CEP89: variants seen among roughly 807,000 people sequenced by gnomAD.
The protein encoded by CEP89 is centrosomal protein 89.
In CEP89, 95 loss-of-function variants were observed where a neutral mutation model predicts 97.6. That is an observed-to-expected ratio of 0.97 (90% CI 0.82 to 1.15). The LOEUF is 1.15. Among genes scored for constraint, CEP89 ranks in the 50% most tolerant of loss-of-function variants. The probability of loss-of-function intolerance (pLI) is 0.00; values close to 1 mark genes in which losing one functional copy is unlikely to be tolerated. For synonymous variants in CEP89, 354 were observed against 349.1 expected (o/e 1.01, Z -0.16); for missense variants, 869 against 947.7 (o/e 0.92, Z 1.09).
intron 16 of CEP89, among the ~76,000 whole-genome samples, chr19:32,890,921 T>G (rs767559818): frequency 6.6e-6 from 1 of 152,120 alleles, no homozygotes; most frequent in Non-Finnish European, 1.5e-5. Context: ...CAGCAGCCCC[T>G]GCATCTCCAC....
intron 14 of CEP89, among the ~76,000 whole-genome samples, chr19:32,914,469 G>A (rs548878537): frequency 9.2e-5 from 14 of 151,362 alleles, no homozygotes; most frequent in African/African-American, 2.4e-4. Context: ...ATGCAGTTTC[G>A]CCATGTTGCC....
intron 9 of CEP89, 121 bp downstream of exon 9, chr19:32,931,308 C>CT: frequency 1.1e-6 from 1 of 898,228 alleles, no homozygotes; most frequent in Non-Finnish European, 1.6e-6. Flanking sequence ...AACATTGTGC[C>CT]TTGGACAGAG....
intron 1 of CEP89, among the ~76,000 whole-genome samples, chr19:32,968,240 G>T (rs531579438): frequency 1.3e-5 from 2 of 152,100 alleles, no homozygotes; most frequent in African/African-American, 2.4e-5. Flanking sequence ...TACACGACAA[G>T]AAATGGTTTT....
At chr19:32,947,948 G>C (rs1374240757) in intron 5 of CEP89, among the ~76,000 whole-genome samples, 1 of 152,162 alleles carries the variant, frequency 6.6e-6, no homozygotes, top group Non-Finnish European at 1.5e-5. Context: ...CTGTAGGCGT[G>C]CACCACCTTG....
intron 17 of CEP89, among the ~76,000 whole-genome samples, chr19:32,884,497 TA>T (rs1251769614): frequency 6.6e-6 from 1 of 152,232 alleles, no homozygotes; most frequent in Non-Finnish European, 1.5e-5. Context: ...TTTATGTACA[TA>T]TTTTTAAAAG....
At chr19:32,918,377 G>C in intron 12 of CEP89, 38 bp from the exon 13 acceptor site, 3 of 1,428,374 alleles carry the variant, frequency 2.1e-6, no homozygotes, top group Non-Finnish European at 3.0e-6. Flanking sequence ...TGTGATTCAG[G>C]TGCTGAATGG....
At chr19:32,967,562 A>G (rs568562212) in intron 1 of CEP89, among the ~76,000 whole-genome samples, 7 of 148,218 alleles carry the variant, frequency 4.7e-5, no homozygotes, top group Admixed American at 1.3e-4. Flanking sequence ...ATTGTTTTCT[A>G]TTTGAAGCCA....
At chr19:32,901,206 T>G (rs750473202) in intron 15 of CEP89, 39 bp downstream of exon 15, 1 of 1,595,654 alleles carries the variant, frequency 6.3e-7, no homozygotes, top group Non-Finnish European at 8.5e-7. Context: ...TTTTAACTAT[T>G]GAAAATAAAA....
intron 3 of CEP89, among the ~76,000 whole-genome samples, chr19:32,954,661 T>C (rs570802826): frequency 1.7e-4 from 26 of 150,776 alleles, no homozygotes; most frequent in Admixed American, 4.6e-4. Context: ...CCTGTTGTTA[T>C]TATTATTGTT....
At chr19:32,947,426 CAA>C (rs3991788) in intron 5 of CEP89, among the ~76,000 whole-genome samples, 1 of 149,616 alleles carries the variant, frequency 6.7e-6, no homozygotes, top group Non-Finnish European at 1.5e-5. Flanking sequence ...GTTAACATGG[CAA>C]AAAAAAACAG....
chr19:32,953,820 G>A lies in CEP89; in HGVS notation c.306-19C>T, dbSNP rs754006707. On this transcript the variant is annotated intron_variant, in intron 3 of 18. Coordinates refer to ENST00000305768, the MANE Select transcript of CEP89 (RefSeq NM_032816.5). ...ATTTGGCCTGTATTAGAATATTCAT[G>A]GGGAAAACAAACAAAAAGTCACTTA... is the stretch of plus-strand genomic sequence containing the variant. The A allele has an allele frequency of 6.4e-7, 1 of 1,574,474 alleles. No individual in the cohort carries two copies. Among genetic ancestry groups the A allele is most frequent in the South Asian group, 1.1e-5 (1 of 89,260 alleles).
At chr19:32,886,782 G>T (rs1969405134) in intron 17 of CEP89, among the ~76,000 whole-genome samples, 1 of 151,414 alleles carries the variant, frequency 6.6e-6, no homozygotes, top group African/African-American at 2.4e-5. Context: ...CCCCACAGGG[G>T]GATTTTAAAT....
chr19:32,883,105 G>A (rs145916306), intron 17 of CEP89, among the ~76,000 whole-genome samples: 22,675 of 151,474 alleles, frequency 0.15, 2,026 homozygotes, highest in Non-Finnish European at 0.21. Context: ...CTCGCGATCC[G>A]CCTGCCTCGG....
At chr19:32,887,931 C>T (rs1568544248) in intron 16 of CEP89, 90 bp from the exon 17 acceptor site, 1 of 753,146 alleles carries the variant, frequency 1.3e-6, no homozygotes, top group Non-Finnish European at 2.3e-6. Flanking sequence ...ACTGCTACTG[C>T]TCACAATCTT....
At chr19:32,971,256 A>G (rs1233195952) in intron 1 of CEP89, 1 of 373,680 alleles carries the variant, frequency 2.7e-6, no homozygotes, top group Non-Finnish European at 4.8e-6. Flanking sequence ...TGGAGGAGGG[A>G]AAAATGAAGA....
chr19:32,894,951 A>T (rs540111139), intron 16 of CEP89, among the ~76,000 whole-genome samples: 6 of 152,340 alleles, frequency 3.9e-5, no homozygotes, highest in African/African-American at 1.4e-4. Context: ...ACTTGAACAG[A>T]CCATTAACAA....
intron 17 of CEP89, among the ~76,000 whole-genome samples, chr19:32,882,962 C>A (rs1328103500): frequency 1.3e-5 from 2 of 151,964 alleles, no homozygotes. Context: ...GGGTTCACAT[C>A]ATTCTCCTGC....
chr19:32,911,662 A>C (rs1380800481), intron 14 of CEP89, among the ~76,000 whole-genome samples: 2 of 152,024 alleles, frequency 1.3e-5, no homozygotes, highest in Non-Finnish European at 2.9e-5. Context: ...AAAAAAGAAA[A>C]AGAAAAGCAC....
chr19:32,909,761 GAGGACCCATCC>G (rs1376553005), intron 14 of CEP89, among the ~76,000 whole-genome samples: 2 of 152,144 alleles, frequency 1.3e-5, no homozygotes, highest in Non-Finnish European at 2.9e-5. Flanking sequence ...ACTAGAAGTG[GAGGACCCATCC>G]AGGAGGTCCA....
Sources: allele counts gnomAD v4.1 joint callset (sites outside exome capture counted in the v4.1 genomes callset), GRCh38; gene constraint gnomAD v4.1.1; transcripts MANE v1.5; gene names NCBI Gene and HGNC (gene_info 2026-07-23, HGNC 2026-07-21).